CACNA1E: variants seen among roughly 807,000 people sequenced by gnomAD.
CACNA1E encodes the protein calcium voltage-gated channel subunit alpha1 E, also known as voltage-dependent R-type calcium channel subunit alpha-1E.
Under a neutral mutation model 259.2 loss-of-function variants are expected in CACNA1E, and 40 were observed. That is an observed-to-expected ratio of 0.15 (90% CI 0.12 to 0.20). CACNA1E has a LOEUF of 0.20. Ranked by LOEUF, CACNA1E falls within the 10% of genes least tolerant of loss-of-function variation. The pLI is 1.00. For synonymous variants in CACNA1E, 1,104 were observed against 1,138.5 expected, an observed-to-expected ratio of 0.97 and a Z score of 0.61; for missense variants, 1,874 against 3,040.1, an observed-to-expected ratio of 0.62 and a Z score of 9.02.
At position 181,720,849 on chromosome 1, in the gene CACNA1E, G is replaced by T. The variant is rs757142626; in HGVS notation, c.1950G>T (p.Val650=). The T allele has an allele frequency of 1.2e-6, 2 of 1,608,454 alleles. No homozygotes were observed. The highest frequency in any genetic ancestry group is 1.7e-5 in the Admixed American group (1 of 59,876). ...CCTTCCCTGCAGCCATCATGACTGT[G>T]TTCCAGGTATGAGGCCAGCTGACGG... The part of the protein sequence containing the change: ...FDTFPAAIMT[V]FQILTGEDWN... Residue 650 remains valine, a synonymous_variant, in exon 15 of 48, where the codon GTG becomes GTT. Coordinates refer to ENST00000367573, the MANE Select transcript of CACNA1E (RefSeq NM_001205293.3).
intron 1 of CACNA1E, among the ~76,000 whole-genome samples, chr1:181,501,455 G>T (rs184834915): frequency 6.6e-6 from 1 of 152,342 alleles, no homozygotes; most frequent in Admixed American, 6.5e-5. Flanking sequence ...TCAGATGGGA[G>T]TTCTTTGGTC....
intron 25 of CACNA1E, among the ~76,000 whole-genome samples, chr1:181,744,533 G>T (rs745739156): frequency 6.6e-6 from 1 of 152,170 alleles, no homozygotes; most frequent in African/African-American, 2.4e-5. Context: ...ACACACTCAC[G>T]CTCAGCACAG....
chr1:181,516,022 A>G (rs193282640), intron 3 of CACNA1E, among the ~76,000 whole-genome samples: 58 of 152,158 alleles, frequency 3.8e-4, no homozygotes, highest in Middle Eastern at 3.4e-3. Context: ...TCTCATCTCT[A>G]TCTACCTCTG....
intron 43 of CACNA1E, among the ~76,000 whole-genome samples, chr1:181,789,818 C>T (rs760119019): frequency 3.2e-4 from 48 of 152,226 alleles, no homozygotes; most frequent in Admixed American, 8.5e-4. Context: ...ACTTTGTCTC[C>T]ATCCTCTTTT....
At chr1:181,556,616 A>G (rs1335534683) in intron 3 of CACNA1E, among the ~76,000 whole-genome samples, 1 of 152,144 alleles carries the variant, frequency 6.6e-6, no homozygotes. Flanking sequence ...TCTCCCCTAA[A>G]GAGGGGTCAC....
rs1666153867 is a variant in CACNA1E at position 181,511,426 on chromosome 1, T to C, written c.428T>C (p.Ile143Thr). The stretch of plus-strand genomic sequence containing the variant: ...TTTTGCTTTGAAGCTGGGATCAAAA[T>C]TGTGGCCCTGGGGTTCATCTTCCAT... ...GIFCFEAGIK[I>T]VALGFIFHKG... is the part of the protein sequence containing the mutation. The change falls in exon 3 of 48, where the codon ATT becomes ACT. Residue 143 changes from isoleucine (I) to threonine (T), a missense_variant. Ile to Thr is a moderately conservative substitution (Grantham distance 89, BLOSUM62 -1). Around this residue, in one of 14 missense-constraint regions of CACNA1E, gnomAD observed 55 missense variants for 156.5 expected, o/e 0.35. Coordinates refer to ENST00000367573, the MANE Select transcript of CACNA1E (RefSeq NM_001205293.3). 2 of 1,614,002 alleles carry C rather than the reference T, an allele frequency of 1.2e-6. No homozygotes were observed. The highest frequency in any genetic ancestry group is 8.5e-7 in the Non-Finnish European group (1 of 1,179,882).
chr1:181,767,053 A>G (rs697259), intron 35 of CACNA1E, among the ~76,000 whole-genome samples: 68,609 of 152,104 alleles, frequency 0.45, 16,448 homozygotes, highest in East Asian at 0.55. Context: ...CACCACATAT[A>G]GTCATGGCTG....
chr1:181,751,004 G>A (rs1183494441), intron 26 of CACNA1E, among the ~76,000 whole-genome samples: 4 of 152,012 alleles, frequency 2.6e-5, no homozygotes, highest in African/African-American at 7.3e-5. Context: ...GGTAGGTATC[G>A]CAGGAAGGTC....
At chr1:181,569,579 C>T (rs977480217) in intron 3 of CACNA1E, among the ~76,000 whole-genome samples, 4 of 152,204 alleles carry the variant, frequency 2.6e-5, no homozygotes, top group Non-Finnish European at 5.9e-5. Context: ...AGCAAAACAT[C>T]ATGTGTAATT....
chr1:181,711,092 G>T, intron 8 of CACNA1E, 23 bp downstream of exon 8: 1 of 1,522,870 alleles, frequency 6.6e-7, no homozygotes, highest in South Asian at 1.1e-5. Flanking sequence ...GGCTGCAGGA[G>T]GCTGGTGAGT....
At chr1:181,661,304 G>C (rs887336180) in intron 7 of CACNA1E, among the ~76,000 whole-genome samples, 7 of 152,238 alleles carry the variant, frequency 4.6e-5, no homozygotes, top group African/African-American at 7.2e-5. Context: ...AGCAAACAGA[G>C]AGGAGCAGCA....
At chr1:181,660,887 T>C (rs1420840542) in intron 7 of CACNA1E, among the ~76,000 whole-genome samples, 1 of 152,104 alleles carries the variant, frequency 6.6e-6, no homozygotes, top group African/African-American at 2.4e-5. Flanking sequence ...CACGCAAGAG[T>C]TACTAAGTAC....
At position 181,785,425 on chromosome 1, in the gene CACNA1E, G is replaced by C. The variant is rs541601690; in HGVS notation, c.5679+7G>C. Reference sequence around the variant, plus strand: ...GCAGCAGCTGGAGGAACAGGTGAAAGTCAATGCCAGCATGCTAAGTGGGTG... The same window carrying C: ...GCAGCAGCTGGAGGAACAGGTGAAACTCAATGCCAGCATGCTAAGTGGGTG... On this transcript the variant is annotated splice_region_variant and intron_variant, in intron 42 of 47. Coordinates refer to ENST00000367573, the MANE Select transcript of CACNA1E (RefSeq NM_001205293.3). 6 of 1,577,762 alleles carry C rather than the reference G, an allele frequency of 3.8e-6. No homozygotes were observed. The highest frequency in any genetic ancestry group is 5.2e-6 in the Non-Finnish European group (6 of 1,148,704).
At chr1:181,635,486 C>CT (rs1184513309) in intron 6 of CACNA1E, among the ~76,000 whole-genome samples, 4 of 152,236 alleles carry the variant, frequency 2.6e-5, no homozygotes, top group Non-Finnish European at 5.9e-5. Flanking sequence ...CTCTCTCTCT[C>CT]TTTTTTTACT....
intron 2 of CACNA1E, among the ~76,000 whole-genome samples, chr1:181,475,302 G>GA (rs1308728868): frequency 6.6e-6 from 1 of 152,162 alleles, no homozygotes; most frequent in Non-Finnish European, 1.5e-5. Context: ...ATACATAATT[G>GA]AAAAACTAAA....
chr1:181,667,287 T>C (rs1322794506), intron 7 of CACNA1E, among the ~76,000 whole-genome samples: 1 of 152,090 alleles, frequency 6.6e-6, no homozygotes, highest in African/African-American at 2.4e-5. Flanking sequence ...TTTTAAGTGG[T>C]AAAATAGTCA....
intron 16 of CACNA1E, among the ~76,000 whole-genome samples, 180 bp downstream of exon 16, chr1:181,722,055 G>A (rs1406946449): frequency 6.6e-6 from 1 of 152,120 alleles, no homozygotes; most frequent in African/African-American, 2.4e-5. Flanking sequence ...GTTGGGTAAA[G>A]AATACAAACG....
At chr1:181,711,776 A>C (rs1404383221) in intron 8 of CACNA1E, among the ~76,000 whole-genome samples, 1 of 152,078 alleles carries the variant, frequency 6.6e-6, no homozygotes, top group Non-Finnish European at 1.5e-5. Context: ...CAAGGAGCAG[A>C]AGGGGGAAGG....
At chr1:181,319,455 A>G (rs1650177312) in intron 1 of CACNA1E, among the ~76,000 whole-genome samples, 1 of 152,194 alleles carries the variant, frequency 6.6e-6, no homozygotes, top group East Asian at 1.9e-4. Flanking sequence ...TGGGATATAG[A>G]ACTTCCACTG....
Sources: allele counts gnomAD v4.1 joint callset (sites outside exome capture counted in the v4.1 genomes callset), GRCh38; gene constraint gnomAD v4.1.1; regional missense constraint gnomAD v4.1.1; transcripts MANE v1.5; gene names NCBI Gene and HGNC (gene_info 2026-07-23, HGNC 2026-07-21).